Variants in ENG observed in about 807,000 individuals in gnomAD.
ENG encodes CD105 antigen.
Under a neutral mutation model 71.0 loss-of-function variants are expected in ENG, and 17 were observed. The observed-to-expected ratio is 0.24, with a 90% confidence interval of 0.16 to 0.36. ENG has a LOEUF of 0.36. ENG is among the 10% of genes least tolerant of loss of function. The pLI is 1.00. For missense variants in ENG, 749 were observed against 868.3 expected, an observed-to-expected ratio of 0.86 and a Z score of 1.73; for synonymous variants, 360 against 366.9, an observed-to-expected ratio of 0.98 and a Z score of 0.21.
At chr9:127,828,617 C>T (rs1167126279) in intron 3 of ENG, among the ~76,000 whole-genome samples, 1 of 152,226 alleles carries the variant, frequency 6.6e-6, no homozygotes, top group African/African-American at 2.4e-5. Flanking sequence ...CCTCTGGGAC[C>T]TCGATTCCCC....
chr9:127,853,962 G>A (rs1230472915), intron 1 of ENG, among the ~76,000 whole-genome samples: 1 of 152,246 alleles, frequency 6.6e-6, no homozygotes, highest in East Asian at 1.9e-4. Flanking sequence ...AAGGCCCAGA[G>A]AGGCCAGGAA....
intron 8 of ENG, chr9:127,822,369 C>T (rs756020199): frequency 6.6e-6 from 1 of 152,084 alleles, no homozygotes; most frequent in African/African-American, 2.4e-5. Flanking sequence ...GAGGTGTTCT[C>T]GTAAATCAGT....
At chr9:127,816,986 G>A (rs901081605) in intron 13 of ENG, 163 bp downstream of exon 13, 10 of 791,774 alleles carry the variant, frequency 1.3e-5, no homozygotes, top group East Asian at 2.7e-5. Flanking sequence ...GCTCTAGGCT[G>A]CTATGGCTCT....
Position 127,817,220 on chromosome 9 carries a change from G to A in ENG, c.1687-17C>T, listed in dbSNP as rs769004991. 5 of 1,613,942 alleles carry A rather than the reference G, an allele frequency of 3.1e-6. No individual in the cohort carries two copies. The African/African-American group carries it at 4.0e-5, about 13-fold the overall frequency. ...ATGGACTTCCTGGAGGAGAAAGAGA[G>A]AGCAGTATGTGGCACCTTTGGGAGG... is the stretch of plus-strand genomic sequence containing the variant. On this transcript the variant is annotated splice_polypyrimidine_tract_variant and intron_variant, in intron 12 of 14. Coordinates refer to ENST00000373203, the MANE Select transcript of ENG (RefSeq NM_001114753.3).
At chr9:127,854,190 G>A in intron 1 of ENG, 99 bp downstream of exon 1, 1 of 1,284,966 alleles carries the variant, frequency 7.8e-7, no homozygotes, top group Admixed American at 2.0e-5. Context: ...GGCTCTGCTG[G>A]GCGTGAGCTC....
intron 2 of ENG, among the ~76,000 whole-genome samples, chr9:127,842,086 G>T (rs950397187): frequency 6.6e-6 from 1 of 152,196 alleles, no homozygotes; most frequent in South Asian, 2.1e-4. Flanking sequence ...ATGGTGGGCT[G>T]GGAGTGGGGG....
At chr9:127,842,077 T>C (rs1831047053) in intron 2 of ENG, among the ~76,000 whole-genome samples, 1 of 152,122 alleles carries the variant, frequency 6.6e-6, no homozygotes, top group Non-Finnish European at 1.5e-5. Flanking sequence ...GACAAACTGA[T>C]GGTGGGCTGG....
chr9:127,849,100 G>T (rs10760507), intron 1 of ENG, among the ~76,000 whole-genome samples: 109,137 of 151,220 alleles, frequency 0.72, 42,865 homozygotes, highest in South Asian at 0.88. Flanking sequence ...CATCCTTCCC[G>T]CCAAACTACT....
At chr9:127,853,022 TTTCTC>T (rs2131934548) in intron 1 of ENG, among the ~76,000 whole-genome samples, 1 of 152,194 alleles carries the variant, frequency 6.6e-6, no homozygotes, top group South Asian at 2.1e-4. Context: ...GAGCCTCCCT[TTTCTC>T]TTCTGTAAAA....
At chr9:127,843,755 A>ATATAT (rs1554812402) in intron 1 of ENG, among the ~76,000 whole-genome samples, 1 of 25,036 alleles carries the variant, frequency 4.0e-5, no homozygotes, top group African/African-American at 1.5e-4. Context: ...ATATATATAT[A>ATATAT]TTTTTTTTTT....
intron 10 of ENG, chr9:127,819,141 G>A (rs1830411807): frequency 3.2e-5 from 12 of 369,928 alleles, no homozygotes; most frequent in South Asian, 2.4e-4. Context: ...GTTTCACCAT[G>A]TTAGCCAGGA....
intron 2 of ENG, among the ~76,000 whole-genome samples, chr9:127,834,783 G>A (rs1423129833): frequency 6.6e-6 from 1 of 151,880 alleles, no homozygotes; most frequent in Non-Finnish European, 1.5e-5. Context: ...TGATCTGCCT[G>A]CCTCAGCCTC....
rs1469732082 is a variant in ENG at position 127,843,261 on chromosome 9, C to T, written c.68-16G>A. On this transcript the variant is annotated splice_polypyrimidine_tract_variant and intron_variant, in intron 1 of 14. Coordinates refer to ENST00000373203, the MANE Select transcript of ENG (RefSeq NM_001114753.3). ...TCTGCAAGACCTGTTGGAGAAACAT[C>T]CGGAAAGAGGCCAGGTGAGAATAAG... is the stretch of plus-strand genomic sequence containing the variant. The T allele has an allele frequency of 6.2e-7, 1 of 1,614,092 alleles. No homozygotes were observed. The highest frequency in any genetic ancestry group is 1.7e-5 in the Admixed American group (1 of 60,026).
chr9:127,819,085 CCGCCACCA>C (rs995847087), intron 10 of ENG, among the ~76,000 whole-genome samples: 8 of 151,980 alleles, frequency 5.3e-5, no homozygotes, highest in Non-Finnish European at 1.0e-4. Context: ...TTACAGGTGC[CCGCCACCA>C]CGCCCGGCTA....
chr9:127,829,626 T>G, intron 3 of ENG, 61 bp downstream of exon 3: 1 of 1,606,958 alleles, frequency 6.2e-7, no homozygotes, highest in Non-Finnish European at 8.5e-7. Flanking sequence ...CCCACAGAGA[T>G]GGACAGTAGG....
intron 2 of ENG, among the ~76,000 whole-genome samples, chr9:127,842,479 A>T (rs1433811473): frequency 6.6e-6 from 1 of 151,360 alleles, no homozygotes; most frequent in African/African-American, 2.4e-5. Context: ...GCCAGAGTGC[A>T]GTGGCACAAT....
chr9:127,833,590 C>G (rs1830822569), intron 2 of ENG, among the ~76,000 whole-genome samples: 2 of 147,436 alleles, frequency 1.4e-5, no homozygotes, highest in South Asian at 4.3e-4. Context: ...CTCAGGAGGA[C>G]AAAGACAAAT....
intron 11 of ENG, 102 bp downstream of exon 11, chr9:127,818,614 G>C: frequency 6.9e-7 from 1 of 1,441,910 alleles, no homozygotes; most frequent in Admixed American, 1.7e-5. Context: ...TCTCCCTCCT[G>C]ACTCTGGGAG....
At chr9:127,827,782 G>A (rs1454585738) in intron 3 of ENG, among the ~76,000 whole-genome samples, 1 of 151,958 alleles carries the variant, frequency 6.6e-6, no homozygotes, top group Non-Finnish European at 1.5e-5. Context: ...TTGGGAGGCC[G>A]AGGCGGGTGG....
Sources: allele counts gnomAD v4.1 joint callset (sites outside exome capture counted in the v4.1 genomes callset), GRCh38; gene constraint gnomAD v4.1.1; transcripts MANE v1.5; gene names NCBI Gene and HGNC (gene_info 2026-07-23, HGNC 2026-07-21).